The following PAPPA2 variants were observed in gnomAD, a reference collection of about 807,000 sequenced individuals.
PAPPA2 encodes pappalysin-2.
Under a neutral mutation model 176.4 loss-of-function variants are expected in PAPPA2, and 86 were observed. The ratio of observed to expected loss-of-function variants is 0.49; its 90% CI spans 0.41 to 0.58. The LOEUF (loss-of-function observed/expected upper bound fraction) is 0.58, where lower values mean the gene tolerates loss of function less well. Ranked by LOEUF, PAPPA2 falls within the 20% of genes least tolerant of loss-of-function variation. The pLI is 0.00. For synonymous variants in PAPPA2, 809 were observed against 852.2 expected (o/e 0.95, Z 0.88); for missense variants, 2,073 against 2,256.9 (o/e 0.92, Z 1.65).
chr1:176,749,404 G>A (rs1663061145), intron 14 of PAPPA2, among the ~76,000 whole-genome samples: 1 of 152,152 alleles, frequency 6.6e-6, no homozygotes, highest in African/African-American at 2.4e-5. Flanking sequence ...TCCCCCACCA[G>A]AGTGGTACAT....
chr1:176,735,608 C>T (rs1040134941), intron 12 of PAPPA2, among the ~76,000 whole-genome samples: 3 of 151,996 alleles, frequency 2.0e-5, no homozygotes, highest in African/African-American at 4.8e-5. Flanking sequence ...GGTTAGATTG[C>T]GTAGTTAACA....
Position 176,710,211 on chromosome 1 carries a change from G to A in PAPPA2, c.3651+35G>A, listed in dbSNP as rs573096243. On this transcript the variant is annotated intron_variant, in intron 11 of 22. Coordinates refer to ENST00000367662, the MANE Select transcript of PAPPA2 (RefSeq NM_020318.3). ...GCCAGATGAATAGAGTCGAGCCTGCGCAAAATTGTAAAGTGACTCCCCCTA... is the reference window on the plus strand; with the variant it reads ...GCCAGATGAATAGAGTCGAGCCTGCACAAAATTGTAAAGTGACTCCCCCTA... The A allele has an allele frequency of 2.3e-5, 36 of 1,584,710 alleles. 1 individual carries two copies. The highest frequency in any genetic ancestry group is 1.6e-4 in the Admixed American group (9 of 57,450).
chr1:176,789,326 C>T (rs1317961444), intron 17 of PAPPA2, among the ~76,000 whole-genome samples: 1 of 151,868 alleles, frequency 6.6e-6, no homozygotes, highest in African/African-American at 2.4e-5. Context: ...ACTGCATGTT[C>T]TCACCCATAG....
chr1:176,746,899 G>T (rs1455994778), intron 14 of PAPPA2, among the ~76,000 whole-genome samples: 2 of 152,100 alleles, frequency 1.3e-5, no homozygotes, highest in African/African-American at 2.4e-5. Context: ...GTGTGTGTTT[G>T]CATGTGTGTA....
chr1:176,694,870 GAATGTGAATGGA>G (rs1247976847), intron 6 of PAPPA2, among the ~76,000 whole-genome samples: 1 of 152,200 alleles, frequency 6.6e-6, no homozygotes, highest in Non-Finnish European at 1.5e-5. Context: ...AGAGAGGAAA[GAATGTGAATGGA>G]AATTCTCAAC....
At chr1:176,503,691 T>C (rs1648092153) in intron 1 of PAPPA2, among the ~76,000 whole-genome samples, 1 of 152,184 alleles carries the variant, frequency 6.6e-6, no homozygotes, top group South Asian at 2.1e-4. Context: ...TCCAATATTG[T>C]GAAGTGAATT....
intron 4 of PAPPA2, among the ~76,000 whole-genome samples, chr1:176,672,073 A>T (rs1659037787): frequency 1.3e-5 from 2 of 151,078 alleles, no homozygotes; most frequent in African/African-American, 4.9e-5. Context: ...ATAATAAAAT[A>T]AAAAAATAAA....
At chr1:176,590,199 G>T (rs1653574796) in intron 2 of PAPPA2, among the ~76,000 whole-genome samples, 1 of 152,174 alleles carries the variant, frequency 6.6e-6, no homozygotes, top group Non-Finnish European at 1.5e-5. Context: ...AACTTTAGTA[G>T]TCAAAGGGAA....
chr1:176,574,617 T>A (rs1467709397), intron 2 of PAPPA2, among the ~76,000 whole-genome samples: 1 of 152,194 alleles, frequency 6.6e-6, no homozygotes, highest in Non-Finnish European at 1.5e-5. Context: ...GAGATTCTCA[T>A]GAGGCTCCTG....
At chr1:176,586,046 T>A (rs1441427834) in intron 2 of PAPPA2, among the ~76,000 whole-genome samples, 3 of 152,168 alleles carry the variant, frequency 2.0e-5, no homozygotes, top group African/African-American at 7.2e-5. Context: ...AGAATTGTTT[T>A]GTTCCTTTGG....
At chr1:176,809,852 T>C (rs1666066854) in intron 21 of PAPPA2, among the ~76,000 whole-genome samples, 1 of 151,966 alleles carries the variant, frequency 6.6e-6, no homozygotes, top group Non-Finnish European at 1.5e-5. Flanking sequence ...GCCCGAGGAA[T>C]AGTGGCAATC....
At chr1:176,683,583 G>T (rs1336060473) in intron 4 of PAPPA2, among the ~76,000 whole-genome samples, 1 of 152,038 alleles carries the variant, frequency 6.6e-6, no homozygotes, top group African/African-American at 2.4e-5. Context: ...TGTTATGCTT[G>T]GGGCTGTACC....
intron 18 of PAPPA2, among the ~76,000 whole-genome samples, chr1:176,790,637 C>A (rs1367679346): frequency 6.6e-6 from 1 of 152,054 alleles, no homozygotes; most frequent in African/African-American, 2.4e-5. Flanking sequence ...GAAAATGAGA[C>A]CCCTGAGAAA....
At chr1:176,797,292 A>G (rs1665485380) in intron 20 of PAPPA2, among the ~76,000 whole-genome samples, 1 of 152,220 alleles carries the variant, frequency 6.6e-6, no homozygotes, top group Admixed American at 6.5e-5. Context: ...CAAAGGATAT[A>G]AAGTTTTCTT....
rs568617356 is a variant in PAPPA2 at position 176,813,539 on chromosome 1, G to A, written c.5202+13407G>A. On this transcript the variant is annotated intron_variant, in intron 21 of 22. Transcript: ENST00000367662. ...TTTGATTTGCATTTCTCTAATGATC[G>A]GTGATGTTGATCTTTCTTTCATATG... is the stretch of plus-strand genomic sequence containing the variant. Among the ~76,000 whole-genome samples, 104 of 152,128 alleles carry A rather than the reference G, an allele frequency of 6.8e-4. 1 individual carries two copies. The highest frequency in any genetic ancestry group is 2.1e-3 in the African/African-American group (87 of 41,514).
intron 3 of PAPPA2, among the ~76,000 whole-genome samples, chr1:176,620,803 A>G (rs1291290895): frequency 6.6e-6 from 1 of 152,216 alleles, no homozygotes; most frequent in Non-Finnish European, 1.5e-5. Context: ...GAAATCTGTG[A>G]GTGGCTTAGC....
chr1:176,506,630 G>T (rs182852500), intron 1 of PAPPA2, among the ~76,000 whole-genome samples: 1 of 151,968 alleles, frequency 6.6e-6, no homozygotes, highest in Non-Finnish European at 1.5e-5. Context: ...ATGGGATTGT[G>T]TGCTTGATTT....
At chr1:176,797,452 T>C (rs182376342) in intron 20 of PAPPA2, among the ~76,000 whole-genome samples, 13 of 152,270 alleles carry the variant, frequency 8.5e-5, no homozygotes, top group Non-Finnish European at 1.9e-4. Flanking sequence ...TAGACCAGCC[T>C]GGGCAACACA....
chr1:176,705,958 C>G (rs1558532476), intron 9 of PAPPA2, among the ~76,000 whole-genome samples: 1 of 151,968 alleles, frequency 6.6e-6, no homozygotes, highest in East Asian at 1.9e-4. Context: ...TAGATGAAAC[C>G]ACACAGACAG....
Sources: gnomAD v4.1 joint callset for allele counts (sites outside exome capture counted in the v4.1 genomes callset) on GRCh38, gnomAD v4.1.1 for gene constraint, MANE v1.5 for transcripts, NCBI Gene and HGNC (gene_info 2026-07-23, HGNC 2026-07-21) for gene names.